FOXP1: variants seen among roughly 807,000 people sequenced by gnomAD.
The protein encoded by FOXP1 is forkhead box protein P1.
FOXP1 carries 15 observed loss-of-function variants against 98.2 expected under a neutral mutation model. That is an observed-to-expected ratio of 0.15 (90% CI 0.10 to 0.24). FOXP1 has a LOEUF of 0.24. Ranked by LOEUF, FOXP1 falls within the 10% of genes least tolerant of loss-of-function variation. The pLI, the probability that FOXP1 is intolerant of heterozygous loss-of-function variation, is 1.00. For synonymous variants in FOXP1, 371 were observed against 314.5 expected, an observed-to-expected ratio of 1.18 and a Z score of -1.90; for missense variants, 633 against 848.5, an observed-to-expected ratio of 0.75 and a Z score of 3.15.
At position 70,967,687 on chromosome 3, in the gene FOXP1, G is replaced by GTTTTT. The variant is rs67711426; in HGVS notation, c.1723-1636_1723-1632dup. On this transcript the variant is annotated intron_variant, in intron 19 of 20. Coordinates refer to ENST00000649528, the MANE Select transcript of FOXP1 (RefSeq NM_001349338.3). Reference sequence around the variant, plus strand: ...GCAGTTGCCAGAACTACTATTATTTGTTTTTTTTTTTTGTTTTTTTTTGTT... The same window carrying GTTTTT: ...GCAGTTGCCAGAACTACTATTATTTGTTTTTTTTTTTTTTTTTGTTTTTTTTTGTT... 5.3e-3 allele frequency among the ~76,000 whole-genome samples: 326 copies of GTTTTT among 61,242 alleles called. 8 individuals carry two copies. The highest frequency in any genetic ancestry group is 5.9e-3 in the African/African-American group (103 of 17,402). The allele number at this position is 61,242 out of a possible 152,430, so 40.2% of individuals were successfully genotyped here.
intron 7 of FOXP1, among the ~76,000 whole-genome samples, chr3:71,082,377 T>C (rs1377987285): frequency 7.4e-5 from 11 of 149,040 alleles, no homozygotes. Flanking sequence ...ACATAAATTA[T>C]AAGTTTGTAA....
chr3:71,177,847 T>TTTC (rs1186557516), intron 6 of FOXP1, among the ~76,000 whole-genome samples: 1 of 145,758 alleles, frequency 6.9e-6, no homozygotes, highest in Non-Finnish European at 1.5e-5. Context: ...TTTCTTTTTT[T>TTTC]TTTTTTTTTT....
At chr3:71,567,947 A>G (rs1170655637) in intron 2 of FOXP1, 1 of 149,326 alleles carries the variant, frequency 6.7e-6, no homozygotes, top group Non-Finnish European at 1.5e-5. Flanking sequence ...ATCCTGGGAG[A>G]AGGGCTATAG....
chr3:71,382,930 C>T (rs545501938), intron 3 of FOXP1, among the ~76,000 whole-genome samples: 3 of 152,308 alleles, frequency 2.0e-5, no homozygotes, highest in South Asian at 2.1e-4. Flanking sequence ...TTGGGAGCCA[C>T]TGTTCTGATG....
chr3:71,375,597 T>A (rs1025582944), intron 3 of FOXP1, among the ~76,000 whole-genome samples: 2 of 152,194 alleles, frequency 1.3e-5, no homozygotes, highest in African/African-American at 4.8e-5. Flanking sequence ...AGAACTTGGA[T>A]GTATCCCCAA....
At chr3:71,183,431 G>A (rs777999080) in intron 6 of FOXP1, among the ~76,000 whole-genome samples, 20 of 152,096 alleles carry the variant, frequency 1.3e-4, no homozygotes, top group African/African-American at 2.4e-4. Context: ...CCCAGGAGGC[G>A]GAGGTTGCAG....
At chr3:71,163,827 G>T (rs2061266668) in intron 6 of FOXP1, among the ~76,000 whole-genome samples, 1 of 151,960 alleles carries the variant, frequency 6.6e-6, no homozygotes, top group African/African-American at 2.4e-5. Context: ...GTTTAGAGCG[G>T]TAGAGTTTTC....
At chr3:71,360,951 C>G (rs2078520163) in intron 3 of FOXP1, among the ~76,000 whole-genome samples, 1 of 152,138 alleles carries the variant, frequency 6.6e-6, no homozygotes, top group African/African-American at 2.4e-5. Flanking sequence ...GGTGTCTCTT[C>G]TAGATATGAG....
intron 17 of FOXP1, among the ~76,000 whole-genome samples, chr3:70,973,069 A>G (rs1351025918): frequency 6.6e-6 from 1 of 152,188 alleles, no homozygotes. Flanking sequence ...TTTTTTTCAA[A>G]CCACGAAAGA....
chr3:71,061,859 C>G (rs1576512561), intron 7 of FOXP1, among the ~76,000 whole-genome samples: 1 of 152,178 alleles, frequency 6.6e-6, no homozygotes, highest in Non-Finnish European at 1.5e-5. Flanking sequence ...AATGTTAGTA[C>G]AGACTGAGAA....
intron 3 of FOXP1, among the ~76,000 whole-genome samples, chr3:71,413,164 T>C (rs373096872): frequency 3.9e-5 from 3 of 77,182 alleles, no homozygotes; most frequent in Admixed American, 4.1e-4. Context: ...AACCCCCAAA[T>C]AGACACACAC....
At chr3:71,183,111 G>A (rs2062428657) in intron 6 of FOXP1, among the ~76,000 whole-genome samples, 1 of 151,978 alleles carries the variant, frequency 6.6e-6, no homozygotes, top group Non-Finnish European at 1.5e-5. Context: ...ACATCCTTAG[G>A]CATAAATCTT....
chr3:71,111,547 G>A (rs960445778), intron 7 of FOXP1, among the ~76,000 whole-genome samples: 8 of 151,974 alleles, frequency 5.3e-5, no homozygotes, highest in African/African-American at 4.8e-5. Flanking sequence ...ACAGGCACCC[G>A]CCACCAAGCT....
intron 6 of FOXP1, among the ~76,000 whole-genome samples, chr3:71,120,330 T>C (rs2058670991): frequency 6.6e-6 from 1 of 152,212 alleles, no homozygotes; most frequent in African/African-American, 2.4e-5. Context: ...ATACTGAATT[T>C]GAATCAGTGG....
intron 1 of FOXP1, 108 bp from the exon 2 acceptor site, chr3:71,581,805 G>A (rs1028461388): frequency 1.0e-6 from 1 of 986,086 alleles, no homozygotes; most frequent in African/African-American, 1.7e-5. Context: ...CCAGGACAGA[G>A]AGGGCAGCGG....
intron 2 of FOXP1, among the ~76,000 whole-genome samples, chr3:71,524,538 T>G (rs1160978175): frequency 9.5e-5 from 8 of 84,364 alleles, no homozygotes; most frequent in Admixed American, 4.0e-4. Flanking sequence ...CAAATAAATC[T>G]TAAAAAAAAA....
intron 5 of FOXP1, among the ~76,000 whole-genome samples, chr3:71,299,074 A>ATTG (rs1391331203): frequency 1.3e-5 from 2 of 152,240 alleles, no homozygotes; most frequent in Non-Finnish European, 2.9e-5. Context: ...TAAGATGATC[A>ATTG]TTGCCTTTAT....
chr3:70,979,279 CAAAAAAAAAAAAAAAAAAAAAAAAAAAAA>C (rs544916383), intron 14 of FOXP1, among the ~76,000 whole-genome samples: 1 of 42,552 alleles, frequency 2.4e-5, no homozygotes, highest in Non-Finnish European at 3.7e-5. Flanking sequence ...GACTCTACCT[CAAAAAAAAAAAAAAAAAAAAAAAAAAAAA>C]AAAAAAAAAA....
At chr3:71,485,020 G>A (rs574585799) in intron 3 of FOXP1, among the ~76,000 whole-genome samples, 1 of 152,294 alleles carries the variant, frequency 6.6e-6, no homozygotes, top group Admixed American at 6.5e-5. Context: ...GGTATGTCAG[G>A]TTAAAGACAT....
Sources: gnomAD v4.1 joint callset for allele counts (sites outside exome capture counted in the v4.1 genomes callset) on GRCh38, gnomAD v4.1.1 for gene constraint, MANE v1.5 for transcripts, NCBI Gene and HGNC (gene_info 2026-07-23, HGNC 2026-07-21) for gene names.